Variants in SYPL2 observed in about 807,000 individuals in gnomAD.
SYPL2 encodes synaptophysin-like protein 2.
SYPL2 carries 24 observed loss-of-function variants against 31.3 expected under a neutral mutation model. The ratio of observed to expected loss-of-function variants is 0.77; its 90% CI spans 0.56 to 1.08. SYPL2 has a LOEUF of 1.08. Ranked by LOEUF, SYPL2 falls within the 50% of genes least tolerant of loss-of-function variation. The pLI, the probability that SYPL2 is intolerant of heterozygous loss-of-function variation, is 0.00. For synonymous variants in SYPL2, 144 were observed against 143.1 expected, an observed-to-expected ratio of 1.01 and a Z score of -0.05; for missense variants, 342 against 360.1, an observed-to-expected ratio of 0.95 and a Z score of 0.41.
rs1656147952 is a variant in SYPL2, at chr1:109,481,090, C to T, written c.*1542C>T. ...GGACTGAGTCAACCCCCTTCAACCT[C>T]CTCACCTCTCTAAACACCATCCATA... On this transcript the variant is annotated 3_prime_UTR_variant, in exon 6 of 6. Transcript: ENST00000369872. 1.3e-5 allele frequency: 2 copies of T among 152,708 alleles called. No homozygotes were observed. Among genetic ancestry groups the T allele is most frequent in the Non-Finnish European group, 2.9e-5 (2 of 68,088 alleles). 9.5% of individuals were successfully genotyped at this position (152,708 alleles called of 1,614,324 possible). A position where few individuals can be genotyped will look rare whatever the true frequency, so the allele number is the denominator to read the frequency against.
At chr1:109,473,521 C>T (rs1655896344) in intron 2 of SYPL2, among the ~76,000 whole-genome samples, 1 of 152,182 alleles carries the variant, frequency 6.6e-6, no homozygotes, top group South Asian at 2.1e-4. Flanking sequence ...GTCAAGAGTA[C>T]ACTGACAGTG....
intron 3 of SYPL2, 24 bp from the exon 4 acceptor site, chr1:109,476,752 G>T: frequency 6.2e-7 from 1 of 1,611,618 alleles, no homozygotes; most frequent in Non-Finnish European, 8.5e-7. Context: ...CTGAGCTCAG[G>T]ATGGCCTCCC....
At chr1:109,474,319 TTTTC>T (rs796131812) in intron 2 of SYPL2, among the ~76,000 whole-genome samples, 32,966 of 129,986 alleles carry the variant, frequency 0.25, 4,485 homozygotes, top group African/African-American at 0.37. Flanking sequence ...TTTTCTTTTC[TTTTC>T]TTTTTTTTTT....
chr1:109,477,453 G>A (rs1362894911), intron 4 of SYPL2, among the ~76,000 whole-genome samples: 2 of 152,070 alleles, frequency 1.3e-5, no homozygotes, highest in Non-Finnish European at 2.9e-5. Flanking sequence ...CCCCATTTGC[G>A]TCCTGCAGTC....
At position 109,479,398 on chromosome 1, in the gene SYPL2, C is replaced by G; in HGVS notation, c.669C>G (p.Phe223Leu). 6.2e-7 allele frequency: 1 copy of G among 1,614,160 alleles called. No individual in the cohort carries two copies. ...TGCAGCTCTTTGGCTTTATCAACTT[C>G]TTCCTGTGGGCCGGGAACTGTTGGT... ...NISVLFGFINFFLWAGNCWFV... is the reference protein window; with the variant it reads ...NISVLFGFINLFLWAGNCWFV... The change falls in exon 6 of 6, where the codon TTC becomes TTG. Residue 223 changes from phenylalanine to leucine, a missense_variant. Phe to Leu is a conservative substitution (Grantham distance 22). Coordinates refer to ENST00000369872, the MANE Select transcript of SYPL2 (RefSeq NM_001040709.2).
intron 2 of SYPL2, among the ~76,000 whole-genome samples, chr1:109,470,928 G>C (rs1435971204): frequency 6.6e-6 from 1 of 152,060 alleles, no homozygotes; most frequent in Non-Finnish European, 1.5e-5. Context: ...TTGTTTGTTT[G>C]TTTTGCTATG....
At chr1:109,475,780 T>A (rs1385546187) in intron 3 of SYPL2, 75 bp downstream of exon 3, 1 of 1,552,042 alleles carries the variant, frequency 6.4e-7, no homozygotes, top group Non-Finnish European at 8.7e-7. Context: ...CTCTTCCTCC[T>A]CCAGAAACCT....
chr1:109,481,146 G>T lies in SYPL2; in HGVS notation c.*1598G>T, dbSNP rs1177043709. 1.5e-4 allele frequency: 23 copies of T among 152,668 alleles called. No homozygotes were observed. The highest frequency in any genetic ancestry group is 1.4e-3 in the Admixed American group (22 of 15,284). 9.5% of individuals were successfully genotyped at this position (152,668 alleles called of 1,614,324 possible). A position where few individuals can be genotyped will look rare whatever the true frequency, so the allele number is the denominator to read the frequency against. On this transcript the variant is annotated 3_prime_UTR_variant, in exon 6 of 6. Coordinates refer to ENST00000369872, the MANE Select transcript of SYPL2 (RefSeq NM_001040709.2). ...ATGTGCATTACTGGGGTACCTAGGA[G>T]TCAGGACTTTTGACTTCAGGCCAGT... is the stretch of plus-strand genomic sequence containing the variant.
rs1299233440 is a variant in SYPL2, at chr1:109,478,264, T to G, written c.648+255T>G. On this transcript the variant is annotated intron_variant, in intron 5 of 5. Transcript: ENST00000369872. The surrounding 1 kb of genome is among the most constrained non-coding windows in gnomAD (Gnocchi z 4.0). ...TTCTGCACTCTGCCTCCAATTCCCT[T>G]CTCATTTCCCCACCTCTAGGCACGC... Among the ~76,000 whole-genome samples the G allele has an allele frequency of 6.6e-6, 1 of 152,198 alleles. No individual in the cohort carries two copies. Among genetic ancestry groups the G allele is most frequent in the East Asian group, 1.9e-4 (1 of 5,198 alleles).
chr1:109,475,399 G>A (rs1263197574), intron 2 of SYPL2, 182 bp from the exon 3 acceptor site: 5 of 804,382 alleles, frequency 6.2e-6, no homozygotes, highest in Non-Finnish European at 9.3e-6. Context: ...TGGTCCAGCA[G>A]CCTGAGGCTG....
intron 2 of SYPL2, among the ~76,000 whole-genome samples, chr1:109,475,020 T>C (rs1051113351): frequency 6.6e-6 from 1 of 152,224 alleles, no homozygotes; most frequent in Non-Finnish European, 1.5e-5. Context: ...TGGGGTGGCT[T>C]GGTAGAAGCT....
chr1:109,474,513 G>T (rs1177804040), intron 2 of SYPL2, among the ~76,000 whole-genome samples: 1 of 151,670 alleles, frequency 6.6e-6, no homozygotes, highest in African/African-American at 2.4e-5. Context: ...GCTGATTTTT[G>T]TATTTTTAGT....
At chr1:109,474,498 G>A (rs992075929) in intron 2 of SYPL2, among the ~76,000 whole-genome samples, 6 of 151,522 alleles carry the variant, frequency 4.0e-5, no homozygotes, top group Non-Finnish European at 7.4e-5. Flanking sequence ...ACACTCTACC[G>A]CCAGGCTGAT....
In SYPL2 at chr1:109,475,633, G is replaced by A. The variant is rs1655973974; in HGVS notation, c.182G>A (p.Gly61Glu). Residue 61 changes from glycine (G) to glutamate (E), a missense_variant, in exon 3 of 6, where the codon GGA becomes GAA. Coordinates refer to ENST00000369872, the MANE Select transcript of SYPL2 (RefSeq NM_001040709.2). ...GSCGSYSGET[G>E]AMVRCNNEAK... Reference sequence around the variant, plus strand: ...TGTGGCTCCTACAGCGGGGAGACAGGAGCAATGGTTCGCTGCAACAACGAA... The same window carrying A: ...TGTGGCTCCTACAGCGGGGAGACAGAAGCAATGGTTCGCTGCAACAACGAA... The A allele has an allele frequency of 6.2e-7, 1 of 1,614,034 alleles. No individual in the cohort carries two copies. The highest frequency in any genetic ancestry group is 1.3e-5 in the African/African-American group (1 of 74,908).
At chr1:109,472,329 C>A (rs1013085735) in intron 2 of SYPL2, among the ~76,000 whole-genome samples, 1 of 151,994 alleles carries the variant, frequency 6.6e-6, no homozygotes, top group Non-Finnish European at 1.5e-5. Flanking sequence ...AACTCCTGGG[C>A]TCAAGTGATC....
At chr1:109,476,017 G>C (rs1571064286) in intron 3 of SYPL2, among the ~76,000 whole-genome samples, 2 of 152,328 alleles carry the variant, frequency 1.3e-5, no homozygotes, top group East Asian at 1.9e-4. Context: ...CAGGAACCTG[G>C]ACAAGCTGGA....
Position 109,478,382 on chromosome 1 carries a change from C to T in SYPL2, c.648+373C>T, listed in dbSNP as rs1656063155. ...GGGGCTGTGGCTGAGCTTGAAGCTGCGAGCAGACCCAGCATGAGTGGGAAG... is the reference window on the plus strand; with the variant it reads ...GGGGCTGTGGCTGAGCTTGAAGCTGTGAGCAGACCCAGCATGAGTGGGAAG... On this transcript the variant is annotated intron_variant, in intron 5 of 5. Transcript: ENST00000369872. The surrounding 1 kb of genome is among the most constrained non-coding windows in gnomAD (Gnocchi z 4.0). Among the ~76,000 whole-genome samples, 3 of 152,184 alleles carry T rather than the reference C, an allele frequency of 2.0e-5. No homozygotes were observed. Among genetic ancestry groups the T allele is most frequent in the South Asian group, 2.1e-4 (1 of 4,828 alleles).
chr1:109,470,714 A>T (rs1225348651), intron 2 of SYPL2, among the ~76,000 whole-genome samples: 1 of 152,092 alleles, frequency 6.6e-6, no homozygotes, highest in Non-Finnish European at 1.5e-5. Context: ...GTCACTTGGC[A>T]AAGTTAGGGA....
chr1:109,474,390 T>C (rs1010493670), intron 2 of SYPL2, among the ~76,000 whole-genome samples: 4 of 146,274 alleles, frequency 2.7e-5, no homozygotes, highest in Non-Finnish European at 5.9e-5. Flanking sequence ...CAGGCTGGAG[T>C]GCAGTGGCAC....
Sources: gnomAD v4.1 joint callset for allele counts (sites outside exome capture counted in the v4.1 genomes callset) on GRCh38, gnomAD v4.1.1 for gene constraint, Gnocchi (gnomAD v3.1) non-coding constraint, MANE v1.5 for transcripts, NCBI Gene and HGNC (gene_info 2026-07-23, HGNC 2026-07-21) for gene names.